GPI: variants seen among roughly 807,000 people sequenced by gnomAD.
GPI encodes D-hexose-6-phosphate anomerase.
Under a neutral mutation model 75.8 loss-of-function variants are expected in GPI, and 56 were observed. The observed-to-expected ratio is 0.74, with a 90% confidence interval of 0.60 to 0.92. GPI has a LOEUF of 0.92. Ranked by LOEUF, GPI falls within the 40% of genes least tolerant of loss-of-function variation. The probability of loss-of-function intolerance (pLI) is 0.00; values close to 1 mark genes in which losing one functional copy is unlikely to be tolerated. For missense variants in GPI, 638 were observed against 741.0 expected, an observed-to-expected ratio of 0.86 and a Z score of 1.61; for synonymous variants, 288 against 285.4, an observed-to-expected ratio of 1.01 and a Z score of -0.09.
At chr19:34,368,477 G>A in intron 3 of GPI, 106 bp from the exon 4 acceptor site, 1 of 1,244,824 alleles carries the variant, frequency 8.0e-7, no homozygotes, top group African/African-American at 1.5e-5. Context: ...CTCAGGGCCT[G>A]CCTGTCTAGT....
In GPI at chr19:34,400,690, G is replaced by A. The variant is rs925178077; in HGVS notation, c.*654G>A. 1 of 402,638 alleles carries A rather than the reference G, an allele frequency of 2.5e-6. No individual in the cohort carries two copies. The highest frequency in any genetic ancestry group is 4.2e-5 in the Admixed American group (1 of 23,722). 24.9% of individuals were successfully genotyped at this position (402,638 alleles called of 1,614,324 possible). ...GATGACTGCCATCTCCTGGCAAGAC[G>A]CTCAGGTAGTTCTTTTGCTTTAAAA... On this transcript the variant is annotated 3_prime_UTR_variant, in exon 18 of 18. Transcript: ENST00000356487.
chr19:34,366,754 G>T lies in GPI; in HGVS notation c.214-29G>T, dbSNP rs201036810. The T allele has an allele frequency of 1.5e-4, 240 of 1,571,020 alleles. No homozygotes were observed. In the Middle Eastern group the frequency reaches 3.3e-3, roughly 22 times the overall value. ...CACTTGGGGTGGCCAGTGTGGGTGG[G>T]ACCAGGCCTCAGTATCGTCTCTTCC... On this transcript the variant is annotated intron_variant, in intron 2 of 17. Coordinates refer to ENST00000356487, the MANE Select transcript of GPI (RefSeq NM_000175.5).
chr19:34,369,070 A>T (rs1201070258), intron 4 of GPI, among the ~76,000 whole-genome samples: 1 of 147,232 alleles, frequency 6.8e-6, no homozygotes, highest in African/African-American at 2.5e-5. Flanking sequence ...TTTTTTTGAG[A>T]TGGAGTCTCA....
Position 34,379,818 on chromosome 19 carries a change from T to A in GPI, c.750+256T>A, listed in dbSNP as rs8191386. The A allele has an allele frequency of 1.6e-3, 972 of 610,482 alleles. 9 individuals are homozygous for A. Among genetic ancestry groups the A allele is most frequent in the African/African-American group, 0.016 (857 of 54,538 alleles). 37.8% of individuals were successfully genotyped at this position (610,482 alleles called of 1,614,324 possible). ...CCTTCTTCCGTCTCCCAGGCCTGAC[T>A]GATACACAGAACCCTTCATACACAT... On this transcript the variant is annotated intron_variant, in intron 8 of 17. Coordinates refer to ENST00000356487, the MANE Select transcript of GPI (RefSeq NM_000175.5).
rs574402593 is a variant in GPI, at chr19:34,399,143, G to A, written c.1270-64G>A. The A allele has an allele frequency of 5.6e-5, 87 of 1,558,446 alleles. 1 individual carries two copies. In the African/African-American group the frequency reaches 1.1e-3, roughly 19 times the overall value. On this transcript the variant is annotated intron_variant, in intron 14 of 17. Transcript: ENST00000356487. ...GACCCCTGCTGAGAAGTACCAGGCG[G>A]TCTTGTCCCTCTGCCTGAAGCCCAG...
At chr19:34,364,907 G>T, upstream of GPI, 1 of 1,425,646 alleles carries the variant, frequency 7.0e-7, no homozygotes, top group East Asian at 2.6e-5. Flanking sequence ...GTGCAGCGGC[G>T]CGATGGTAGC....
rs749828679 is a variant in GPI, at chr19:34,374,130, CT to C, written c.403-3350del. On this transcript the variant is annotated intron_variant, in intron 4 of 17. Coordinates refer to ENST00000356487, the MANE Select transcript of GPI (RefSeq NM_000175.5). ...TACAGGTGCCCGCCACCATGCCCGC[CT>C]TTTTTTTTTTTTTTTTTTTTTTAAA... 5.7e-3 allele frequency among the ~76,000 whole-genome samples: 655 copies of C among 114,108 alleles called. 9 individuals carry two copies. Among genetic ancestry groups the C allele is most frequent in the African/African-American group, 0.016 (466 of 28,390 alleles). 74.9% of individuals were successfully genotyped at this position (114,108 alleles called of 152,430 possible). A position where few individuals can be genotyped will look rare whatever the true frequency, so the allele number is the denominator to read the frequency against.
At position 34,366,448 on chromosome 19, in the gene GPI, T is replaced by C. The variant is rs1427928975; in HGVS notation, c.213+13T>C. 10 of 1,584,552 alleles carry C rather than the reference T, an allele frequency of 6.3e-6. No individual in the cohort carries two copies. Among genetic ancestry groups the C allele is most frequent in the East Asian group, 2.2e-5 (1 of 44,766 alleles). On this transcript the variant is annotated intron_variant, in intron 2 of 17. Transcript: ENST00000356487. ...GCTGGTGGACTTGGTAATGTTCTGCTTGGGGAGGCATAACTGGTAACCGAC... is the reference window on the plus strand; with the variant it reads ...GCTGGTGGACTTGGTAATGTTCTGCCTGGGGAGGCATAACTGGTAACCGAC...
intron 15 of GPI, 106 bp from the exon 16 acceptor site, chr19:34,399,450 G>A (rs1020840460): frequency 3.2e-6 from 5 of 1,566,496 alleles, no homozygotes; most frequent in African/African-American, 2.7e-5. Context: ...GGGAGGGCCT[G>A]TCCTCACAGA....
intron 14 of GPI, 31 bp from the exon 15 acceptor site, chr19:34,399,176 T>C: frequency 6.2e-7 from 1 of 1,605,070 alleles, no homozygotes; most frequent in Non-Finnish European, 8.5e-7. Context: ...CAGACAGTGC[T>C]CTCAAGCATA....
At position 34,399,338 on chromosome 19, in the gene GPI, C is replaced by G. The variant is rs2074988981; in HGVS notation, c.1398+3C>G. The stretch of plus-strand genomic sequence containing the variant: ...TTGAGAGGCTGCTGCCACATAAGGT[C>G]AGCACTTCTGCATTTGGCTTTGGGG... On this transcript the variant is annotated splice_donor_region_variant and intron_variant, in intron 15 of 17. Transcript: ENST00000356487. 1 of 1,614,030 alleles carries G rather than the reference C, an allele frequency of 6.2e-7. No homozygotes were observed. Among genetic ancestry groups the G allele is most frequent in the African/African-American group, 1.3e-5 (1 of 75,064 alleles).
At position 34,396,586 on chromosome 19, in the gene GPI, A is replaced by C; in HGVS notation, c.1198A>C (p.Lys400Gln). 6.2e-7 allele frequency: 1 copy of C among 1,614,122 alleles called. No individual in the cohort carries two copies. Among genetic ancestry groups the C allele is most frequent in the African/African-American group, 1.3e-5 (1 of 75,070 alleles). ...AFYQLIHQGT[K>Q]MIPCDFLIPV... is the part of the protein sequence containing the mutation. The stretch of plus-strand genomic sequence containing the variant: ...GACCACAGTGCCCTTCACAGGCACC[A>C]AGATGATACCCTGTGACTTCCTCAT... Residue 400 changes from lysine (K) to glutamine (Q), a missense_variant, in exon 14 of 18, where the codon AAG becomes CAG. Physicochemically the swap from Lys to Gln is moderately conservative, Grantham distance 53 (BLOSUM62 1). Transcript: ENST00000356487.
At chr19:34,368,412 A>T (rs576312575) in intron 3 of GPI, among the ~76,000 whole-genome samples, 171 bp from the exon 4 acceptor site, 1 of 151,662 alleles carries the variant, frequency 6.6e-6, no homozygotes, top group African/African-American at 2.4e-5. Context: ...GGGAGCTCCT[A>T]CTCCTCTAAG....
intron 1 of GPI, 154 bp from the exon 2 acceptor site, chr19:34,366,191 C>A (rs1349660301): frequency 1.4e-6 from 1 of 711,094 alleles, no homozygotes; most frequent in Middle Eastern, 2.3e-4. Context: ...GGTGGGCCAG[C>A]AGGTGACAGA....
chr19:34,394,109 G>A, intron 12 of GPI, 43 bp downstream of exon 12: 2 of 1,518,462 alleles, frequency 1.3e-6, no homozygotes, highest in Non-Finnish European at 9.1e-7. Context: ...CAAGATTTGT[G>A]GGGGGTCTGG....
chr19:34,365,415 G>T, intron 1 of GPI, 27 bp downstream of exon 1: 2 of 1,545,404 alleles, frequency 1.3e-6, no homozygotes. Flanking sequence ...GGCGGGGGCT[G>T]CCACGCGCGG....
chr19:34,379,066 C>G (rs2074599532), intron 7 of GPI, 61 bp downstream of exon 7: 1 of 1,408,996 alleles, frequency 7.1e-7, no homozygotes, highest in South Asian at 1.1e-5. Context: ...GCAGGGTGGG[C>G]CCCTGAGTGA....
upstream of GPI, among the ~76,000 whole-genome samples, chr19:34,361,073 C>A (rs1380699752): frequency 6.6e-6 from 1 of 151,996 alleles, no homozygotes; most frequent in Admixed American, 6.6e-5. Context: ...TCACTGCACC[C>A]GGCCTTGTTT....
intron 3 of GPI, 31 bp from the exon 4 acceptor site, chr19:34,368,552 G>GGGA (rs766597830): frequency 1.9e-6 from 3 of 1,612,620 alleles, no homozygotes; most frequent in Middle Eastern, 1.6e-4. Context: ...GTTGGGGGGG[G>GGGA]CAGTCTTTAT....
Sources: gnomAD v4.1 joint callset for allele counts (sites outside exome capture counted in the v4.1 genomes callset) on GRCh38, gnomAD v4.1.1 for gene constraint, MANE v1.5 for transcripts, NCBI Gene and HGNC (gene_info 2026-07-23, HGNC 2026-07-21) for gene names.